Variants in COL14A1 observed in about 807,000 individuals in gnomAD.
COL14A1 encodes the protein collagen alpha-1(XIV) chain.
A neutral mutation model predicts 230.3 loss-of-function variants in COL14A1; 136 were observed. The observed-to-expected ratio is 0.59, with a 90% CI of 0.51 to 0.68. The LOEUF (loss-of-function observed/expected upper bound fraction) is 0.68, where lower values mean the gene tolerates loss of function less well. COL14A1 is among the 30% of genes least tolerant of loss of function. The probability of loss-of-function intolerance (pLI) is 0.00; values close to 1 mark genes in which losing one functional copy is unlikely to be tolerated. For synonymous variants in COL14A1, 792 were observed against 784.1 expected, an observed-to-expected ratio of 1.01 and a Z score of -0.17; for missense variants, 1,976 against 2,215.8, an observed-to-expected ratio of 0.89 and a Z score of 2.17.
intron 26 of COL14A1, chr8:120,277,773 A>G (rs1482276826): frequency 6.3e-6 from 1 of 157,748 alleles, no homozygotes; most frequent in Non-Finnish European, 1.4e-5. Context: ...GGAGAATAGA[A>G]GGAGGCTGAA....
intron 1 of COL14A1, among the ~76,000 whole-genome samples, chr8:120,144,864 T>C (rs1250279110): frequency 6.6e-6 from 1 of 151,936 alleles, no homozygotes; most frequent in African/African-American, 2.4e-5. Flanking sequence ...ACTAGAAATA[T>C]ACTTTGGGGT....
At position 120,332,126 on chromosome 8, in the gene COL14A1, GT is replaced by G; in HGVS notation, c.4660-12del. On this transcript the variant is annotated splice_polypyrimidine_tract_variant and intron_variant, in intron 40 of 47. Coordinates refer to ENST00000297848, the MANE Select transcript of COL14A1 (RefSeq NM_021110.4). ...AAGCAACCACTTGCTGACATGCTGT[GT>G]TTCTTTTCGCCAGGGCCTTCCGGGA... 1 of 1,613,934 alleles carries G rather than the reference GT, an allele frequency of 6.2e-7. No homozygotes were observed. The highest frequency in any genetic ancestry group is 2.2e-5 in the East Asian group (1 of 44,872).
Position 120,280,710 on chromosome 8 carries a change from G to C in COL14A1, c.3647-1G>C. 1 of 1,613,118 alleles carries C rather than the reference G, an allele frequency of 6.2e-7. No individual in the cohort carries two copies. The highest frequency in any genetic ancestry group is 8.5e-7 in the Non-Finnish European group (1 of 1,179,624). ...TTTATTTTGTTTGTTTGGTTTTCCA[G>C]CCTGTCCAGTGGTACACAAGGATGG... is the stretch of plus-strand genomic sequence containing the variant. On this transcript the variant is annotated splice_acceptor_variant, in intron 29 of 47. Coordinates refer to ENST00000297848, the MANE Select transcript of COL14A1 (RefSeq NM_021110.4). LOFTEE classifies it high-confidence loss of function.
intron 47 of COL14A1, chr8:120,370,287 G>C: frequency 6.3e-7 from 1 of 1,579,762 alleles, no homozygotes. Flanking sequence ...GTTTTTCTCT[G>C]TTCATCTTTT....
intron 3 of COL14A1, among the ~76,000 whole-genome samples, chr8:120,159,295 A>G (rs766448216): frequency 1.6e-4 from 24 of 152,186 alleles, no homozygotes; most frequent in Non-Finnish European, 3.5e-4. Flanking sequence ...TAAAATAAAT[A>G]TAAAGCCCTT....
chr8:120,208,814 C>T (rs1371547177), intron 11 of COL14A1, among the ~76,000 whole-genome samples: 1 of 152,080 alleles, frequency 6.6e-6, no homozygotes, highest in Admixed American at 6.5e-5. Context: ...TAATAATTCC[C>T]TCCCTGGGTA....
intron 45 of COL14A1, among the ~76,000 whole-genome samples, chr8:120,361,288 A>G (rs1823203895): frequency 6.6e-6 from 1 of 152,324 alleles, no homozygotes; most frequent in South Asian, 2.1e-4. Flanking sequence ...CAGTTGTTAT[A>G]TGAAAAAGAC....
At chr8:120,143,343 G>A (rs1005621116) in intron 1 of COL14A1, among the ~76,000 whole-genome samples, 1 of 152,190 alleles carries the variant, frequency 6.6e-6, no homozygotes, top group Non-Finnish European at 1.5e-5. Flanking sequence ...GACTGGCCGG[G>A]CACAGTGGCT....
At chr8:120,284,287 T>C (rs1284413242) in intron 32 of COL14A1, among the ~76,000 whole-genome samples, 1 of 152,140 alleles carries the variant, frequency 6.6e-6, no homozygotes, top group Non-Finnish European at 1.5e-5. Flanking sequence ...AAAATGAGTC[T>C]AGAAAGAGCA....
chr8:120,348,293 A>G (rs528653144), intron 45 of COL14A1, among the ~76,000 whole-genome samples: 23 of 148,502 alleles, frequency 1.5e-4, no homozygotes, highest in African/African-American at 5.4e-4. Context: ...ATATATATGA[A>G]GCATATATAA....
rs1424666330 is a variant in COL14A1 at position 120,200,852 on chromosome 8, G to A, written c.877+1286G>A. The stretch of plus-strand genomic sequence containing the variant: ...AGCCAAGTACAGTCTAAGAACAGCT[G>A]CAGAAGCTGTGGAAACTATGATGTT... On this transcript the variant is annotated intron_variant, in intron 8 of 47. Coordinates refer to ENST00000297848, the MANE Select transcript of COL14A1 (RefSeq NM_021110.4). 7.4e-5 allele frequency among the ~76,000 whole-genome samples: 11 copies of A among 149,274 alleles called. No individual in the cohort carries two copies. In the Admixed American group the frequency reaches 7.4e-4, roughly 10 times the overall value.
chr8:120,147,010 T>C (rs1454785809), intron 1 of COL14A1, among the ~76,000 whole-genome samples: 1 of 152,042 alleles, frequency 6.6e-6, no homozygotes, highest in East Asian at 1.9e-4. Context: ...CCCCTCCAAT[T>C]CTGCCTCTCT....
chr8:120,183,747 G>C (rs1816549994), intron 5 of COL14A1, among the ~76,000 whole-genome samples: 1 of 152,220 alleles, frequency 6.6e-6, no homozygotes, highest in Admixed American at 6.5e-5. Flanking sequence ...AAGGTGTCAT[G>C]ATGTTATTCA....
rs1563714349 is a variant in COL14A1, at chr8:120,279,969, A to G, written c.3516A>G (p.Ala1172=). ...TTTTTGCAATTGGTGTGGCCGATGC[A>G]GATTACTCGGAGTTGGTTAGCATTG... The part of the protein sequence containing the change: ...YSIFAIGVAD[A]DYSELVSIGS... The change falls in exon 29 of 48, where the codon GCA becomes GCG. Residue 1172 remains alanine, a synonymous_variant. Coordinates refer to ENST00000297848, the MANE Select transcript of COL14A1 (RefSeq NM_021110.4). 1 of 1,613,756 alleles carries G rather than the reference A, an allele frequency of 6.2e-7. No individual in the cohort carries two copies. The highest frequency in any genetic ancestry group is 8.5e-7 in the Non-Finnish European group (1 of 1,179,816).
chr8:120,215,263 C>T (rs1318801070), intron 13 of COL14A1, among the ~76,000 whole-genome samples: 3 of 152,026 alleles, frequency 2.0e-5, no homozygotes, highest in Non-Finnish European at 2.9e-5. Flanking sequence ...CCCAGCTACT[C>T]AGGAGGCTGA....
At chr8:120,162,899 T>C (rs78017535) in intron 4 of COL14A1, among the ~76,000 whole-genome samples, 4,015 of 152,274 alleles carry the variant, frequency 0.026, 193 homozygotes, top group African/African-American at 0.092. Context: ...TAACACCATA[T>C]TGTAATTGCT....
At chr8:120,286,698 C>G (rs902027893) in intron 33 of COL14A1, among the ~76,000 whole-genome samples, 1 of 151,664 alleles carries the variant, frequency 6.6e-6, no homozygotes, top group Admixed American at 6.6e-5. Context: ...TTTAGTGGAG[C>G]CAGGATTTCA....
chr8:120,330,414 G>A (rs767706938), intron 40 of COL14A1, among the ~76,000 whole-genome samples: 2 of 152,196 alleles, frequency 1.3e-5, no homozygotes, highest in Non-Finnish European at 2.9e-5. Flanking sequence ...AGTTTCACAT[G>A]GCTGGGGAGA....
intron 21 of COL14A1, among the ~76,000 whole-genome samples, chr8:120,248,000 C>A (rs1442808578): frequency 6.6e-6 from 1 of 152,038 alleles, no homozygotes; most frequent in Non-Finnish European, 1.5e-5. Flanking sequence ...ATATACATGA[C>A]CTAATCATAC....
Sources: allele counts gnomAD v4.1 joint callset (sites outside exome capture counted in the v4.1 genomes callset), GRCh38; gene constraint gnomAD v4.1.1; transcripts MANE v1.5; gene names NCBI Gene and HGNC (gene_info 2026-07-23, HGNC 2026-07-21).